Variants in SCAPER observed in about 807,000 individuals in gnomAD.
SCAPER encodes S-phase cyclin A associated protein in the ER, also known as S phase cyclin A-associated protein in the endoplasmic reticulum.
SCAPER carries 98 observed loss-of-function variants against 182.2 expected under a neutral mutation model. The observed-to-expected ratio is 0.54, with a 90% CI of 0.46 to 0.64. The LOEUF (loss-of-function observed/expected upper bound fraction) is 0.64. SCAPER is among the 30% of genes least tolerant of loss of function. The probability of loss-of-function intolerance (pLI) is 0.00; values close to 1 mark genes in which losing one functional copy is unlikely to be tolerated. For missense variants in SCAPER, 1,432 were observed against 1,690.0 expected (o/e 0.85, Z 2.68); for synonymous variants, 605 against 564.6 (o/e 1.07, Z -1.01).
chr15:76,555,313 C>T (rs2046110370), intron 23 of SCAPER, among the ~76,000 whole-genome samples: 1 of 152,154 alleles, frequency 6.6e-6, no homozygotes, highest in African/African-American at 2.4e-5. Context: ...CACTACAAAG[C>T]AACTCCACAA....
intron 23 of SCAPER, among the ~76,000 whole-genome samples, chr15:76,566,663 C>A (rs283786): frequency 0.95 from 145,104 of 152,146 alleles, 69,535 homozygotes; most frequent in East Asian, 1. Flanking sequence ...AATGGTAAGA[C>A]TAAGGAAAAT....
chr15:76,768,812 C>A lies in SCAPER; in HGVS notation c.1249-1724G>T, dbSNP rs1448747006. ...GAACAATACTATCAACAAAATTGAT[C>A]TAGGTATTTTCTCAAAAAAAAAAAA... On this transcript the variant is annotated intron_variant, in intron 10 of 31. Transcript: ENST00000563290. 1.0e-4 allele frequency among the ~76,000 whole-genome samples: 9 copies of A among 86,924 alleles called. No homozygotes were observed. The Admixed American group carries it at 1.3e-3, about 12-fold the overall frequency. 57.0% of individuals were successfully genotyped at this position (86,924 alleles called of 152,430 possible).
At chr15:76,495,666 G>C (rs766876201) in intron 24 of SCAPER, among the ~76,000 whole-genome samples, 9 of 151,734 alleles carry the variant, frequency 5.9e-5, no homozygotes, top group Non-Finnish European at 1.5e-5. Flanking sequence ...TCATTCTTTG[G>C]GGTTTGGGGT....
chr15:76,440,775 A>G (rs1477151115), intron 25 of SCAPER, among the ~76,000 whole-genome samples: 1 of 152,180 alleles, frequency 6.6e-6, no homozygotes, highest in African/African-American at 2.4e-5. Context: ...CCCATGTTAT[A>G]TTATGCATAA....
intron 8 of SCAPER, among the ~76,000 whole-genome samples, chr15:76,789,434 G>T (rs2064848180): frequency 6.6e-6 from 1 of 152,098 alleles, no homozygotes; most frequent in Admixed American, 6.5e-5. Context: ...CTTATAGAAA[G>T]AAATGCTGCT....
intron 25 of SCAPER, among the ~76,000 whole-genome samples, chr15:76,442,770 C>CA: frequency 6.6e-6 from 1 of 152,272 alleles, no homozygotes; most frequent in Non-Finnish European, 1.5e-5. Context: ...TTCTCAAATT[C>CA]AAAACATCTG....
intron 5 of SCAPER, among the ~76,000 whole-genome samples, chr15:76,815,928 T>A (rs1312939849): frequency 6.6e-6 from 1 of 152,088 alleles, no homozygotes; most frequent in Non-Finnish European, 1.5e-5. Context: ...AGGCCAAGAG[T>A]AACACAATGT....
intron 2 of SCAPER, among the ~76,000 whole-genome samples, chr15:76,875,446 C>T (rs1407863767): frequency 6.6e-6 from 1 of 152,146 alleles, no homozygotes; most frequent in Non-Finnish European, 1.5e-5. Flanking sequence ...GAGTTCAAGA[C>T]CACCCTGGCC....
chr15:76,679,947 T>A (rs1233828077), intron 20 of SCAPER, among the ~76,000 whole-genome samples: 1 of 152,238 alleles, frequency 6.6e-6, no homozygotes, highest in African/African-American at 2.4e-5. Flanking sequence ...GATTCAGTTG[T>A]ACTGAACCAT....
intron 8 of SCAPER, chr15:76,793,258 G>C (rs992067196): frequency 2.5e-5 from 26 of 1,027,106 alleles, no homozygotes; most frequent in Non-Finnish European, 3.6e-5. Flanking sequence ...ATATATATTT[G>C]GTCTTCATCT....
intron 20 of SCAPER, among the ~76,000 whole-genome samples, chr15:76,669,804 G>A (rs558776112): frequency 5.3e-5 from 8 of 152,262 alleles, no homozygotes; most frequent in South Asian, 2.1e-4. Context: ...GCTAGTCTCC[G>A]ACATGTGATT....
intron 8 of SCAPER, among the ~76,000 whole-genome samples, chr15:76,777,646 A>G (rs939712403): frequency 1.2e-4 from 18 of 152,330 alleles, no homozygotes; most frequent in African/African-American, 4.3e-4. Context: ...GTGAGCTGAG[A>G]TCGCACCATG....
intron 23 of SCAPER, among the ~76,000 whole-genome samples, chr15:76,510,277 G>A (rs2041915869): frequency 6.6e-6 from 1 of 152,152 alleles, no homozygotes; most frequent in Admixed American, 6.5e-5. Context: ...ACAGTCAGCA[G>A]AATAAACAGA....
intron 24 of SCAPER, among the ~76,000 whole-genome samples, chr15:76,481,856 C>G (rs1366351351): frequency 1.3e-5 from 2 of 152,214 alleles, no homozygotes; most frequent in Admixed American, 6.5e-5. Flanking sequence ...TTTTACATCT[C>G]TTTTAATCTG....
At chr15:76,384,729 T>C (rs578167759) in intron 27 of SCAPER, among the ~76,000 whole-genome samples, 7 of 152,316 alleles carry the variant, frequency 4.6e-5, no homozygotes, top group South Asian at 2.1e-4. Context: ...AGGGGAGGGT[T>C]TGACTGTCCC....
chr15:76,524,688 T>TG (rs2043057949), intron 23 of SCAPER, among the ~76,000 whole-genome samples: 1 of 111,554 alleles, frequency 9.0e-6, no homozygotes. Context: ...TTTTTTGTTC[T>TG]GTTTTTTTTT....
chr15:76,889,752 G>C (rs1335037134), intron 1 of SCAPER, among the ~76,000 whole-genome samples: 1 of 152,088 alleles, frequency 6.6e-6, no homozygotes, highest in African/African-American at 2.4e-5. Flanking sequence ...CTCAGTATTA[G>C]ACAGATTAAT....
intron 24 of SCAPER, among the ~76,000 whole-genome samples, chr15:76,500,106 T>C (rs2040961476): frequency 6.6e-6 from 1 of 152,186 alleles, no homozygotes; most frequent in African/African-American, 2.4e-5. Flanking sequence ...TTATAACAAG[T>C]AGTTTGGCCC....
chr15:76,509,385 T>C (rs2041848687), intron 23 of SCAPER, among the ~76,000 whole-genome samples: 1 of 152,200 alleles, frequency 6.6e-6, no homozygotes, highest in Admixed American at 6.5e-5. Flanking sequence ...CTAGTTAGGT[T>C]CTCATGGTAT....
Sources: gnomAD v4.1 joint callset for allele counts (sites outside exome capture counted in the v4.1 genomes callset) on GRCh38, gnomAD v4.1.1 for gene constraint, MANE v1.5 for transcripts, NCBI Gene and HGNC (gene_info 2026-07-23, HGNC 2026-07-21) for gene names.